DUS2: variants seen among roughly 807,000 people sequenced by gnomAD.
DUS2 encodes the protein dihydrouridine synthase 2, also known as tRNA-dihydrouridine(20) synthase [NAD(P)+]-like.
A neutral mutation model predicts 71.3 loss-of-function variants in DUS2; 52 were observed. The ratio of observed to expected loss-of-function variants is 0.73; its 90% CI spans 0.58 to 0.92. DUS2 has a LOEUF of 0.92. Ranked by LOEUF, DUS2 falls within the 40% of genes least tolerant of loss-of-function variation. The pLI, the probability that DUS2 is intolerant of heterozygous loss-of-function variation, is 0.00. For synonymous variants in DUS2, 204 were observed against 227.8 expected, an observed-to-expected ratio of 0.90 and a Z score of 0.94; for missense variants, 558 against 622.6, an observed-to-expected ratio of 0.90 and a Z score of 1.10.
intron 6 of DUS2, 99 bp downstream of exon 6, chr16:68,054,716 T>G: frequency 7.3e-7 from 1 of 1,374,846 alleles, no homozygotes. Flanking sequence ...CCCTTCTGCC[T>G]TCTAGCCCAT....
chr16:68,032,616 C>T (rs1481313752), intron 2 of DUS2, among the ~76,000 whole-genome samples: 1 of 152,178 alleles, frequency 6.6e-6, no homozygotes, highest in Non-Finnish European at 1.5e-5. Flanking sequence ...GTATTCCAGA[C>T]AGAACTGCAA....
intron 1 of DUS2, chr16:68,023,859 T>G (rs2033298691): frequency 6.0e-6 from 1 of 167,112 alleles, no homozygotes; most frequent in African/African-American, 2.4e-5. Context: ...CAAGGTTCAC[T>G]CTCTACTCCC....
intron 3 of DUS2, among the ~76,000 whole-genome samples, chr16:68,039,753 G>T (rs934970863): frequency 3.3e-5 from 5 of 152,048 alleles, no homozygotes; most frequent in African/African-American, 4.8e-5. Context: ...AGGAAGGGAG[G>T]AAGGAAGGAA....
At chr16:68,026,759 C>T (rs964557914) in intron 2 of DUS2, among the ~76,000 whole-genome samples, 7 of 151,736 alleles carry the variant, frequency 4.6e-5, no homozygotes, top group African/African-American at 1.5e-4. Context: ...ACCTGTAATC[C>T]CAGCTACTCG....
chr16:68,053,524 T>A (rs2033809325), intron 4 of DUS2, 40 bp from the exon 5 acceptor site: 1 of 1,604,364 alleles, frequency 6.2e-7, no homozygotes, highest in African/African-American at 1.3e-5. Flanking sequence ...TGAACTTGCA[T>A]CTTCATTGAG....
At chr16:68,050,144 CTT>C (rs965828181) in intron 4 of DUS2, among the ~76,000 whole-genome samples, 1 of 146,646 alleles carries the variant, frequency 6.8e-6, no homozygotes, top group Non-Finnish European at 1.5e-5. Context: ...CTTGTGAAAT[CTT>C]TTTTTTTTTG....
chr16:68,027,986 G>A (rs529805794), intron 2 of DUS2, among the ~76,000 whole-genome samples: 1 of 152,304 alleles, frequency 6.6e-6, no homozygotes, highest in South Asian at 2.1e-4. Context: ...GATGAAAGAG[G>A]CTTCTATGGA....
chr16:68,030,655 C>G (rs1340635292), intron 2 of DUS2, among the ~76,000 whole-genome samples: 2 of 152,108 alleles, frequency 1.3e-5, no homozygotes, highest in African/African-American at 4.8e-5. Flanking sequence ...CTTGAATTAC[C>G]TGCTTTGCAT....
At chr16:68,034,075 A>T (rs1212386793) in intron 2 of DUS2, among the ~76,000 whole-genome samples, 1 of 147,956 alleles carries the variant, frequency 6.8e-6, no homozygotes, top group East Asian at 2.1e-4. Flanking sequence ...GCCTAGTTTT[A>T]TTTTTATTTT....
In DUS2 at chr16:68,059,553, A is replaced by G. The variant is rs557966414; in HGVS notation, c.370-1513A>G. 7.9e-5 allele frequency among the ~76,000 whole-genome samples: 12 copies of G among 152,166 alleles called. No individual in the cohort carries two copies. The East Asian group carries it at 2.3e-3, about 29-fold the overall frequency. On this transcript the variant is annotated intron_variant, in intron 7 of 16. Transcript: ENST00000565263. Reference sequence around the variant, plus strand: ...GACCAATGTAGTCCAGGCTTGGTGGATTTTCCAGTCTACCCATTCTTCTTT... The same window carrying G: ...GACCAATGTAGTCCAGGCTTGGTGGGTTTTCCAGTCTACCCATTCTTCTTT...
intron 3 of DUS2, 98 bp downstream of exon 3, chr16:68,038,247 G>A: frequency 2.0e-6 from 3 of 1,525,748 alleles, no homozygotes; most frequent in African/African-American, 1.4e-5. Context: ...GACAGAATGG[G>A]AATTGACTTT....
intron 3 of DUS2, among the ~76,000 whole-genome samples, chr16:68,047,783 GTTT>G (rs36087080): frequency 1.1e-4 from 15 of 137,608 alleles, no homozygotes; most frequent in Admixed American, 2.2e-4. Flanking sequence ...GTGCTGGCGT[GTTT>G]TTTTTTTTTT....
At chr16:68,034,936 G>A (rs1210478203) in intron 2 of DUS2, among the ~76,000 whole-genome samples, 2 of 152,134 alleles carry the variant, frequency 1.3e-5, no homozygotes, top group African/African-American at 4.8e-5. Flanking sequence ...GGGAGGCAGA[G>A]GTTGCAGTGA....
At chr16:68,067,100 C>CTTCCTTCCTTCT (rs1389278510) in intron 10 of DUS2, among the ~76,000 whole-genome samples, 1 of 90,964 alleles carries the variant, frequency 1.1e-5, no homozygotes, top group Non-Finnish European at 2.3e-5. Context: ...TCCTTCCCTC[C>CTTCCTTCCTTCT]TTCCTTCCTT....
At chr16:68,023,596 A>G (rs1349831936) in intron 1 of DUS2, 3 of 217,716 alleles carry the variant, frequency 1.4e-5, no homozygotes, top group Non-Finnish European at 3.0e-5. Context: ...CTGTTTTCCC[A>G]GATGTGTTCC....
At chr16:68,072,303 A>G (rs1300779120) in intron 12 of DUS2, among the ~76,000 whole-genome samples, 1 of 152,208 alleles carries the variant, frequency 6.6e-6, no homozygotes, top group Non-Finnish European at 1.5e-5. Context: ...GGTGACCACC[A>G]GCTCTCCAAT....
chr16:68,070,280 G>A (rs2034065889), intron 11 of DUS2, 60 bp downstream of exon 11: 3 of 1,501,446 alleles, frequency 2.0e-6, no homozygotes, highest in Non-Finnish European at 1.9e-6. Context: ...CTGGGTGGTA[G>A]CCAGGCCCAG....
At chr16:68,027,408 T>C (rs886738930) in intron 2 of DUS2, among the ~76,000 whole-genome samples, 1 of 152,160 alleles carries the variant, frequency 6.6e-6, no homozygotes, top group African/African-American at 2.4e-5. Flanking sequence ...CCGGCTAATT[T>C]TGTATTTTTA....
chr16:68,040,615 G>C (rs1013478767), intron 3 of DUS2, among the ~76,000 whole-genome samples: 1 of 152,108 alleles, frequency 6.6e-6, no homozygotes, highest in Admixed American at 6.6e-5. Context: ...TAAACAAAGG[G>C]GTATCTACCT....
Sources: gnomAD v4.1 joint callset for allele counts (sites outside exome capture counted in the v4.1 genomes callset) on GRCh38, gnomAD v4.1.1 for gene constraint, MANE v1.5 for transcripts, NCBI Gene and HGNC (gene_info 2026-07-23, HGNC 2026-07-21) for gene names.